TRPV1: variants seen among roughly 807,000 people sequenced by gnomAD.
The protein encoded by TRPV1 is transient receptor potential cation channel subfamily V member 1.
In TRPV1, 82 loss-of-function variants were observed where a neutral mutation model predicts 82.3. The observed-to-expected ratio is 1.00, with a 90% CI of 0.83 to 1.20. The LOEUF is 1.20. TRPV1 is among the 50% of genes most tolerant of loss of function. The pLI, the probability that TRPV1 is intolerant of heterozygous loss-of-function variation, is 0.00. For missense variants in TRPV1, 1,067 were observed against 1,096.8 expected (o/e 0.97, Z 0.38); for synonymous variants, 515 against 467.7 (o/e 1.10, Z -1.30).
At position 3,577,657 on chromosome 17, in the gene TRPV1, T is replaced by G. The variant is rs1248108992; in HGVS notation, c.1654A>C (p.Met552Leu). The G allele has an allele frequency of 6.3e-7, 1 of 1,587,212 alleles. No individual in the cohort carries two copies. Among genetic ancestry groups the G allele is most frequent in the East Asian group, 2.3e-5 (1 of 43,510 alleles). The change falls in exon 12 of 17, where the codon ATG (methionine) becomes CTG (leucine). Residue 552 changes from methionine to leucine, a missense_variant. Transcript: ENST00000572705. ...TGGAAACCGCGGGTGTAGTAGAGCA[T>G]GTTGGTCCAGCCCAAGGCCAGGGAG... The part of the protein sequence containing the change: ...VFSLALGWTN[M>L]LYYTRGFQQM...
At chr17:3,588,699 G>A (rs756092142) in intron 7 of TRPV1, among the ~76,000 whole-genome samples, 8 of 151,628 alleles carry the variant, frequency 5.3e-5, no homozygotes, top group Non-Finnish European at 1.2e-4. Flanking sequence ...CTGTAATCCC[G>A]GCTACTTGAG....
chr17:3,604,459 G>C (rs546829695), intron 2 of TRPV1, among the ~76,000 whole-genome samples: 1 of 152,116 alleles, frequency 6.6e-6, no homozygotes, highest in East Asian at 1.9e-4. Context: ...TTAGCTGGGT[G>C]TGGTGGCAGG....
intron 7 of TRPV1, chr17:3,589,086 G>A: frequency 1.1e-6 from 1 of 911,886 alleles, no homozygotes. Context: ...AAGAGCTGGA[G>A]GCCTGTCACC....
chr17:3,567,369 CAAAAAA>C (rs56391405), intron 16 of TRPV1, among the ~76,000 whole-genome samples: 5 of 52,800 alleles, frequency 9.5e-5, no homozygotes, highest in Non-Finnish European at 1.8e-4. Flanking sequence ...AACTCCGTCT[CAAAAAA>C]AAAAAAAAAA....
At chr17:3,592,447 C>A in intron 2 of TRPV1, 64 bp from the exon 3 acceptor site, 3 of 1,436,288 alleles carry the variant, frequency 2.1e-6, no homozygotes, top group African/African-American at 1.4e-5. Context: ...TAGACCCCAC[C>A]TGCCCTCCTT....
In TRPV1 at chr17:3,591,146, G is replaced by A. The variant is rs774107079; in HGVS notation, c.452-30C>T. 5 of 1,609,816 alleles carry A rather than the reference G, an allele frequency of 3.1e-6. No individual in the cohort carries two copies. The African/African-American group carries it at 6.7e-5, about 21-fold the overall frequency. On this transcript the variant is annotated intron_variant, in intron 4 of 16. Coordinates refer to ENST00000572705, the MANE Select transcript of TRPV1 (RefSeq NM_080704.4). ...AAGACATAAGGGAGGGTCAGGGCAG[G>A]CCAGGGCTGGGGCCCTCCCCGAGCC...
intron 2 of TRPV1, among the ~76,000 whole-genome samples, chr17:3,606,748 G>A (rs187831869): frequency 1.6e-3 from 246 of 152,284 alleles, no homozygotes; most frequent in African/African-American, 5.6e-3. Context: ...GACCCTCCAA[G>A]GCTCAGTCCT....
At chr17:3,583,268 C>A in intron 10 of TRPV1, 70 bp downstream of exon 10, 1 of 1,324,450 alleles carries the variant, frequency 7.6e-7, no homozygotes, top group Non-Finnish European at 1.1e-6. Context: ...AGTGAGTGAG[C>A]GCTGAGGGAT....
intron 16 of TRPV1, among the ~76,000 whole-genome samples, chr17:3,570,963 C>T (rs1422620757): frequency 3.9e-5 from 6 of 152,140 alleles, no homozygotes; most frequent in African/African-American, 9.7e-5. Flanking sequence ...GTGATCCACC[C>T]GTCTCAGCCT....
At position 3,607,236 on chromosome 17, in the gene TRPV1, C is replaced by T. The variant is rs961487913; in HGVS notation, c.-34+1191G>A. The stretch of plus-strand genomic sequence containing the variant: ...GCACATGCCTGTAATCTCAGCTACT[C>T]GGGAGGCTGAGGTACAAGAATTGCT... On this transcript the variant is annotated intron_variant, in intron 2 of 16. Coordinates refer to ENST00000572705, the MANE Select transcript of TRPV1 (RefSeq NM_080704.4). Among the ~76,000 whole-genome samples the T allele has an allele frequency of 7.2e-5, 11 of 151,942 alleles. 2 individuals carry two copies. Among genetic ancestry groups the T allele is most frequent in the East Asian group, 2.0e-4 (1 of 5,094 alleles).
intron 16 of TRPV1, 136 bp downstream of exon 16, chr17:3,571,388 C>T (rs2074850673): frequency 9.2e-6 from 6 of 649,748 alleles, no homozygotes; most frequent in East Asian, 5.6e-5. Context: ...TCATGGCCGA[C>T]GTCAGGAGCT....
intron 2 of TRPV1, 87 bp from the exon 3 acceptor site, chr17:3,592,470 G>A: frequency 7.6e-7 from 1 of 1,313,452 alleles, no homozygotes; most frequent in South Asian, 1.5e-5. Flanking sequence ...CAAGGGCCCT[G>A]TGAAGCAGGG....
At chr17:3,594,445 C>T (rs1407440124) in intron 2 of TRPV1, among the ~76,000 whole-genome samples, 1 of 151,998 alleles carries the variant, frequency 6.6e-6, no homozygotes, top group African/African-American at 2.4e-5. Flanking sequence ...GAGCACACAA[C>T]TGGGCCATGG....
intron 8 of TRPV1, among the ~76,000 whole-genome samples, chr17:3,586,456 T>C (rs1248644682): frequency 6.6e-6 from 1 of 152,228 alleles, no homozygotes; most frequent in African/African-American, 2.4e-5. Context: ...GGGGCAAATG[T>C]CTCATATCCA....
In TRPV1 at chr17:3,591,328, CG is replaced by C; in HGVS notation, c.309del (p.Ala104ProfsTer57). The stretch of plus-strand genomic sequence containing the variant: ...AGCCTGAGGGTCTTCTCGGTGCTGG[CG>C]GCGACAGAGTCCTGGGACAGCAGCC... The part of the protein sequence containing the change: ...GARLLSQDSV[A>X]ASTEKTLRLY... On this transcript the variant is annotated frameshift_variant, in exon 4 of 17. Transcript: ENST00000572705. LOFTEE classifies it high-confidence loss of function. 1.3e-6 allele frequency: 2 copies of C among 1,593,498 alleles called. No homozygotes were observed. The highest frequency in any genetic ancestry group is 8.5e-7 in the Non-Finnish European group (1 of 1,171,480).
At chr17:3,568,321 CAAA>C (rs536064872) in intron 16 of TRPV1, among the ~76,000 whole-genome samples, 6 of 88,082 alleles carry the variant, frequency 6.8e-5, no homozygotes, top group Non-Finnish European at 7.0e-5. Flanking sequence ...GACTCCGTCT[CAAA>C]AAAAAAAAAA....
chr17:3,600,365 ACTGT>A (rs1409310095), intron 2 of TRPV1, among the ~76,000 whole-genome samples: 2 of 152,174 alleles, frequency 1.3e-5, no homozygotes, highest in African/African-American at 4.8e-5. Flanking sequence ...AAGTGGGCGG[ACTGT>A]CTGAGGTCAG....
rs576264525 is a variant in TRPV1, at chr17:3,590,269, C to T, written c.728G>A (p.Arg243Gln). ...CTCCCTACCGAAGTAGAATCCAGGC[C>T]GCCCTTTGGTTTTCTTAAAGAAGTC... is the stretch of plus-strand genomic sequence containing the variant. ...HGDFFKKTKG[R>Q]PGFYFGELPL... The change falls in exon 6 of 17, where the codon CGG becomes CAG. Residue 243 changes from arginine to glutamine, a missense_variant. By Grantham distance (43) the Arg-to-Gln change is conservative. Transcript: ENST00000572705. The T allele has an allele frequency of 1.9e-5, 31 of 1,613,946 alleles. No individual in the cohort carries two copies. The highest frequency in any genetic ancestry group is 1.2e-4 in the Admixed American group (7 of 60,010).
At chr17:3,580,368 T>TCAC (rs2074990503) in intron 11 of TRPV1, 89 bp downstream of exon 11, 13 of 1,354,480 alleles carry the variant, frequency 9.6e-6, no homozygotes, top group Non-Finnish European at 1.3e-5. Context: ...TCCCACTATG[T>TCAC]GCCAGGCCCG....
Sources: gnomAD v4.1 joint callset for allele counts (sites outside exome capture counted in the v4.1 genomes callset) on GRCh38, gnomAD v4.1.1 for gene constraint, MANE v1.5 for transcripts, NCBI Gene and HGNC (gene_info 2026-07-23, HGNC 2026-07-21) for gene names.